The following FER1L6 variants were observed in gnomAD, a reference collection of about 807,000 sequenced individuals.
FER1L6 encodes the protein fer-1 like family member 6.
A neutral mutation model predicts 219.2 loss-of-function variants in FER1L6; 177 were observed. The ratio of observed to expected loss-of-function variants is 0.81; its 90% confidence interval spans 0.71 to 0.91. FER1L6 has a LOEUF of 0.91. Among genes scored for constraint, FER1L6 ranks in the 40% least tolerant of loss-of-function variants. The pLI, the probability that FER1L6 is intolerant of heterozygous loss-of-function variation, is 0.00. For missense variants in FER1L6, 2,153 were observed against 2,259.9 expected (o/e 0.95, Z 0.96); for synonymous variants, 768 against 824.3 (o/e 0.93, Z 1.17).
At chr8:123,856,479 C>T (rs144370379) in intron 1 of FER1L6, among the ~76,000 whole-genome samples, 103 of 151,238 alleles carry the variant, frequency 6.8e-4, no homozygotes, top group African/African-American at 2.2e-3. Flanking sequence ...TCTTAGCAGC[C>T]GTGCCCTTGT....
chr8:123,857,338 T>C (rs555645072), intron 1 of FER1L6, among the ~76,000 whole-genome samples: 17 of 151,934 alleles, frequency 1.1e-4, no homozygotes, highest in Non-Finnish European at 2.9e-5. Context: ...AGACTCCATA[T>C]CTACAAAAAA....
At position 124,039,921 on chromosome 8, in the gene FER1L6, C is replaced by A; in HGVS notation, c.2504C>A (p.Ala835Asp). ...VFQLRAHMYQ[A>D]RGLIAADSNG... ...CAGCTGAGGGCTCACATGTACCAAGCCCGGGGCCTCATCGCAGCTGACAGC... is the reference window on the plus strand; with the variant it reads ...CAGCTGAGGGCTCACATGTACCAAGACCGGGGCCTCATCGCAGCTGACAGC... Residue 835 changes from alanine to aspartate, a missense_variant, in exon 20 of 41, where the codon GCC (alanine) becomes GAC (aspartate). Transcript: ENST00000522917. 1 of 1,614,152 alleles carries A rather than the reference C, an allele frequency of 6.2e-7. No homozygotes were observed. Among genetic ancestry groups the A allele is most frequent in the Non-Finnish European group, 8.5e-7 (1 of 1,179,998 alleles).
intron 1 of FER1L6, among the ~76,000 whole-genome samples, chr8:123,912,014 G>C (rs1056031968): frequency 2.6e-5 from 4 of 152,144 alleles, no homozygotes; most frequent in African/African-American, 9.7e-5. Context: ...TGTTTGGCAT[G>C]GAGTGAGCAA....
intron 33 of FER1L6, among the ~76,000 whole-genome samples, chr8:124,082,713 A>G (rs1224269076): frequency 6.6e-6 from 1 of 152,194 alleles, no homozygotes; most frequent in Non-Finnish European, 1.5e-5. Context: ...AGCTAAATGT[A>G]TGTGTTCACT....
intron 21 of FER1L6, among the ~76,000 whole-genome samples, chr8:124,048,260 G>A (rs1427842668): frequency 6.6e-6 from 1 of 152,220 alleles, no homozygotes; most frequent in African/African-American, 2.4e-5. Flanking sequence ...CCCAGCCTCA[G>A]CCAAAAAGAG....
intron 16 of FER1L6, among the ~76,000 whole-genome samples, chr8:124,019,661 T>C (rs1334963127): frequency 6.6e-6 from 1 of 152,208 alleles, no homozygotes; most frequent in Non-Finnish European, 1.5e-5. Flanking sequence ...AACATTTATT[T>C]AACACCTATG....
Position 124,025,550 on chromosome 8 carries a change from T to C in FER1L6, c.2286+1954T>C, listed in dbSNP as rs1818668970. 2.0e-5 allele frequency among the ~76,000 whole-genome samples: 3 copies of C among 152,218 alleles called. No homozygotes were observed. In the South Asian group the frequency reaches 6.2e-4, roughly 32 times the overall value. On this transcript the variant is annotated intron_variant, in intron 18 of 40. Transcript: ENST00000522917. ...CCACTGGCCTATATATCTACTTTTA[T>C]AGCAGTACCATGTTGTTTTGGTGAC...
intron 9 of FER1L6, among the ~76,000 whole-genome samples, chr8:123,976,423 T>A (rs1033288387): frequency 2.0e-5 from 3 of 151,666 alleles, no homozygotes; most frequent in African/African-American, 7.3e-5. Flanking sequence ...GCATAAGAAT[T>A]GCTTGAACTT....
chr8:123,998,307 CAAAAGAA>C (rs1817230556), intron 12 of FER1L6, among the ~76,000 whole-genome samples: 4 of 136,304 alleles, frequency 2.9e-5, no homozygotes, highest in African/African-American at 1.1e-4. Flanking sequence ...GGGTAAGATC[CAAAAGAA>C]TTCTCTTGAT....
intron 22 of FER1L6, among the ~76,000 whole-genome samples, chr8:124,054,354 T>C (rs1586645085): frequency 6.6e-6 from 1 of 152,228 alleles, no homozygotes; most frequent in South Asian, 2.1e-4. Context: ...AAATGCTTTA[T>C]ATCACATCTG....
At chr8:123,868,904 G>A (rs1816879505) in intron 1 of FER1L6, among the ~76,000 whole-genome samples, 1 of 152,194 alleles carries the variant, frequency 6.6e-6, no homozygotes, top group South Asian at 2.1e-4. Flanking sequence ...GCCCTGCAGA[G>A]AGATTCACAA....
At position 123,980,592 on chromosome 8, in the gene FER1L6, C is replaced by T. The variant is rs745358603; in HGVS notation, c.1191C>T (p.Ile397=). 6.2e-7 allele frequency: 1 copy of T among 1,614,138 alleles called. No individual in the cohort carries two copies. Among genetic ancestry groups the T allele is most frequent in the Non-Finnish European group, 8.5e-7 (1 of 1,180,032 alleles). The part of the protein sequence containing the change: ...FGEGVSFRGR[I]LVEIAVEILS... ...AAGGTGTGTCATTCAGGGGCAGAAT[C>T]TTGGTAGAAATTGCTGTGGAAATCC... The change falls in exon 11 of 41, where the codon ATC becomes ATT. Residue 397 remains isoleucine, a synonymous_variant. Coordinates refer to ENST00000522917, the MANE Select transcript of FER1L6 (RefSeq NM_001039112.2).
At chr8:123,900,636 G>T (rs1292864467) in intron 1 of FER1L6, among the ~76,000 whole-genome samples, 1 of 152,126 alleles carries the variant, frequency 6.6e-6, no homozygotes, top group Non-Finnish European at 1.5e-5. Flanking sequence ...TAATATGTGG[G>T]TTTGTCATAG....
chr8:123,970,399 C>T (rs1815751699), intron 6 of FER1L6, among the ~76,000 whole-genome samples: 1 of 152,158 alleles, frequency 6.6e-6, no homozygotes, highest in African/African-American at 2.4e-5. Flanking sequence ...CAAGTGACAT[C>T]TTAATGCATT....
At chr8:123,997,740 A>G (rs994089737) in intron 12 of FER1L6, among the ~76,000 whole-genome samples, 16 of 151,834 alleles carry the variant, frequency 1.1e-4, no homozygotes, top group Non-Finnish European at 1.8e-4. Flanking sequence ...TGTATTTTCA[A>G]ATAGGTTGTC....
intron 5 of FER1L6, 118 bp from the exon 6 acceptor site, chr8:123,969,917 T>C (rs529966014): frequency 2.8e-6 from 2 of 712,500 alleles, no homozygotes; most frequent in African/African-American, 1.8e-5. Context: ...CAATTGATGA[T>C]GTATATATAT....
Position 123,973,414 on chromosome 8 carries a change from C to G in FER1L6, c.448-20C>G. ...TCCTCAAGGTAAATCTGCCATACTC[C>G]CTGCTCTCTCTCTCCTCAGGTCTTT... On this transcript the variant is annotated intron_variant, in intron 6 of 40. Transcript: ENST00000522917. 6.2e-7 allele frequency: 1 copy of G among 1,600,020 alleles called. No homozygotes were observed. Among genetic ancestry groups the G allele is most frequent in the Admixed American group, 1.7e-5 (1 of 59,994 alleles).
chr8:123,981,438 G>A (rs899590319), intron 11 of FER1L6, among the ~76,000 whole-genome samples: 2 of 152,204 alleles, frequency 1.3e-5, no homozygotes, highest in Non-Finnish European at 2.9e-5. Context: ...TTGCAGTTAA[G>A]CAAATGAAAG....
intron 1 of FER1L6, among the ~76,000 whole-genome samples, chr8:123,900,882 T>C (rs1812843991): frequency 6.6e-6 from 1 of 152,208 alleles, no homozygotes; most frequent in Non-Finnish European, 1.5e-5. Flanking sequence ...ATCTTTTTGA[T>C]ATGTTGTTGG....
Sources: gnomAD v4.1 joint callset for allele counts (sites outside exome capture counted in the v4.1 genomes callset) on GRCh38, gnomAD v4.1.1 for gene constraint, MANE v1.5 for transcripts, NCBI Gene and HGNC (gene_info 2026-07-23, HGNC 2026-07-21) for gene names.